XAB2: variants seen among roughly 807,000 people sequenced by gnomAD.
XAB2 encodes pre-mRNA-splicing factor SYF1.
Under a neutral mutation model 113.4 loss-of-function variants are expected in XAB2, and 57 were observed. That is an observed-to-expected ratio of 0.50 (90% CI 0.41 to 0.63). The LOEUF is 0.63. XAB2 is among the 20% of genes least tolerant of loss of function. XAB2 has a pLI of 0.00. For missense variants in XAB2, 1,037 were observed against 1,233.3 expected, an observed-to-expected ratio of 0.84 and a Z score of 2.38; for synonymous variants, 497 against 498.8, an observed-to-expected ratio of 1.00 and a Z score of 0.05.
chr19:7,624,455 C>T lies in XAB2; in HGVS notation c.823-10G>A. On this transcript the variant is annotated splice_polypyrimidine_tract_variant and intron_variant, in intron 6 of 18. Coordinates refer to ENST00000358368, the MANE Select transcript of XAB2 (RefSeq NM_020196.3). The surrounding 1 kb of genome is among the most constrained non-coding windows in gnomAD (Gnocchi z 4.2). The stretch of plus-strand genomic sequence containing the variant: ...CGTACACGTCCCGAGCCTGTGGGGA[C>T]CCAGGGAAGGGGAGGTGAGAGGAAA... The T allele has an allele frequency of 6.2e-7, 1 of 1,613,970 alleles. No individual in the cohort carries two copies. The highest frequency in any genetic ancestry group is 8.5e-7 in the Non-Finnish European group (1 of 1,179,984).
intron 12 of XAB2, 178 bp downstream of exon 12, chr19:7,622,153 C>G: frequency 1.6e-6 from 1 of 622,568 alleles, no homozygotes; most frequent in Non-Finnish European, 2.8e-6. Context: ...CCAGCCCTGC[C>G]CATGCCTCGA....
In XAB2 at chr19:7,619,663, G is replaced by A. The variant is rs768719502; in HGVS notation, c.2507-16C>T. Reference sequence around the variant, plus strand: ...AGCCGAACCTCTGTGGGGAAGGCGGGAGCCAGTCACCCTCCTGGCGTTGGC... The same window carrying A: ...AGCCGAACCTCTGTGGGGAAGGCGGAAGCCAGTCACCCTCCTGGCGTTGGC... On this transcript the variant is annotated splice_polypyrimidine_tract_variant and intron_variant, in intron 18 of 18. Coordinates refer to ENST00000358368, the MANE Select transcript of XAB2 (RefSeq NM_020196.3). The A allele has an allele frequency of 3.7e-6, 6 of 1,603,494 alleles. No individual in the cohort carries two copies. The highest frequency in any genetic ancestry group is 5.1e-6 in the Non-Finnish European group (6 of 1,173,904).
In XAB2 at chr19:7,623,890, CCG is replaced by C; in HGVS notation, c.968-10_968-9del. On this transcript the variant is annotated splice_polypyrimidine_tract_variant and intron_variant, in intron 7 of 18. Coordinates refer to ENST00000358368, the MANE Select transcript of XAB2 (RefSeq NM_020196.3). The surrounding 1 kb of genome is among the most constrained non-coding windows in gnomAD (Gnocchi z 4.6). ...GCTCCAGGTCCACATCATCTGGGAG[CCG>C]CGAACATGTTTGTCAGGGGCGGAGA... 6.4e-7 allele frequency: 1 copy of C among 1,557,514 alleles called. No individual in the cohort carries two copies. The highest frequency in any genetic ancestry group is 8.7e-7 in the Non-Finnish European group (1 of 1,155,342).
rs573269344 is a variant in XAB2 at position 7,624,162 on chromosome 19, C to T, written c.967+139G>A. On this transcript the variant is annotated intron_variant, in intron 7 of 18. Coordinates refer to ENST00000358368, the MANE Select transcript of XAB2 (RefSeq NM_020196.3). The surrounding 1 kb of genome is among the most constrained non-coding windows in gnomAD (Gnocchi z 4.2). ...CCTGGCTCCTTCAAGACCCCCACAC[C>T]CCCTGCATCCACTCAGCCTCCTTCC... The T allele has an allele frequency of 2.6e-4, 367 of 1,395,432 alleles. 8 individuals carry two copies. Among genetic ancestry groups the T allele is most frequent in the South Asian group, 2.5e-3 (193 of 77,262 alleles). The allele number at this position is 1,395,432 out of a possible 1,614,324, so 86.4% of individuals were successfully genotyped here.
rs200160970 is a variant in XAB2, at chr19:7,620,268, G to A, written c.2266+7C>T. ...GATCAGGAACTCAGCCAGCTGGGAC[G>A]GCTCACCGGTGCCCGTGGCACTGCC... On this transcript the variant is annotated splice_region_variant and intron_variant, in intron 16 of 18. Coordinates refer to ENST00000358368, the MANE Select transcript of XAB2 (RefSeq NM_020196.3). 1,616 of 1,612,858 alleles carry A rather than the reference G, an allele frequency of 1.0e-3. 4 individuals carry two copies. The highest frequency in any genetic ancestry group is 3.0e-3 in the South Asian group (277 of 91,060).
Position 7,620,911 on chromosome 19 carries a change from T to C in XAB2, c.1906A>G (p.Ile636Val), listed in dbSNP as rs1156809536. The change falls in exon 14 of 19, where the codon ATC becomes GTC. Residue 636 changes from isoleucine to valine, a missense_variant. Physicochemically the swap from Ile to Val is conservative, Grantham distance 29. Coordinates refer to ENST00000358368, the MANE Select transcript of XAB2 (RefSeq NM_020196.3). Reference sequence around the variant, plus strand: ...CCATAGATCTCGGCCGCCCGCTTGATGTAGATGTTGAACATGTCATACTGC... The same window carrying C: ...CCATAGATCTCGGCCGCCCGCTTGACGTAGATGTTGAACATGTCATACTGC... ...AQQYDMFNIY[I>V]KRAAEIYGVT... 3 of 1,603,914 alleles carry C rather than the reference T, an allele frequency of 1.9e-6. No individual in the cohort carries two copies. The highest frequency in any genetic ancestry group is 1.3e-5 in the African/African-American group (1 of 74,898).
rs1368394076 is a variant in XAB2 at position 7,622,567 on chromosome 19, A to G, written c.1466T>C (p.Met489Thr). The part of the protein sequence containing the change: ...RVYKSLKVWS[M>T]LADLEESLGT... ...GAGGCTCTCCTCCAGGTCGGCGAGC[A>G]TGGACCAGACCTTCAGTGACTTGTA... The change falls in exon 11 of 19, where the codon ATG becomes ACG. Residue 489 changes from methionine (M) to threonine (T), a missense_variant. Met to Thr is a moderately conservative substitution (Grantham distance 81). Transcript: ENST00000358368. 1 of 1,613,634 alleles carries G rather than the reference A, an allele frequency of 6.2e-7. No homozygotes were observed. The highest frequency in any genetic ancestry group is 8.5e-7 in the Non-Finnish European group (1 of 1,180,042).
chr19:7,622,234 T>C (rs938973186), intron 12 of XAB2, 97 bp downstream of exon 12: 5 of 1,149,482 alleles, frequency 4.3e-6, no homozygotes, highest in South Asian at 1.3e-5. Flanking sequence ...GTCTGTATAC[T>C]GTGTCACACA....
chr19:7,622,138 A>G, intron 12 of XAB2, 193 bp downstream of exon 12: 1 of 584,156 alleles, frequency 1.7e-6, no homozygotes, highest in South Asian at 2.0e-5. Flanking sequence ...AGGCCTCAGG[A>G]GGAACCAGCC....
At position 7,620,584 on chromosome 19, in the gene XAB2, G is replaced by A. The variant is rs1568452963; in HGVS notation, c.2057C>T (p.Ala686Val). Residue 686 changes from alanine (A) to valine (V), a missense_variant, in exon 15 of 19, where the codon GCC becomes GTC. By Grantham distance (64) the Ala-to-Val change is moderately conservative (BLOSUM62 0). Transcript: ENST00000358368. ...GATCTGGGAGCAGAAGCTGTAGATG[G>A]CCCGGGCGCGGTCAATCTCCCCGAG... is the stretch of plus-strand genomic sequence containing the variant. ...CKLGEIDRARAIYSFCSQICD... is the reference protein window; with the variant it reads ...CKLGEIDRARVIYSFCSQICD... The A allele has an allele frequency of 6.2e-7, 1 of 1,613,372 alleles. No individual in the cohort carries two copies. Among genetic ancestry groups the A allele is most frequent in the Admixed American group, 1.7e-5 (1 of 60,020 alleles).
chr19:7,622,350 T>C lies in XAB2; in HGVS notation c.1598A>G (p.Tyr533Cys), dbSNP rs1399845451. Residue 533 changes from tyrosine to cysteine, a missense_variant, in exon 12 of 19, where the codon TAC (tyrosine) becomes TGC (cysteine). Physicochemically the swap from Tyr to Cys is radical, Grantham distance 194. Coordinates refer to ENST00000358368, the MANE Select transcript of XAB2 (RefSeq NM_020196.3). ...NYAMFLEEHK[Y>C]FEESFKAYER... ...CCTCACCTTGAAGCTCTCCTCGAAG[T>C]ACTTGTGCTCCTCCAGGAACATGGC... The C allele has an allele frequency of 1.2e-6, 2 of 1,614,064 alleles. No individual in the cohort carries two copies. Among genetic ancestry groups the C allele is most frequent in the Non-Finnish European group, 1.7e-6 (2 of 1,180,046 alleles).
chr19:7,624,280 C>T lies in XAB2; in HGVS notation c.967+21G>A, dbSNP rs756740359. ...GTCCACTCAGCTCTCTCCCCACCAGCCGGGGCCCCCAGAGGCTCACCCTCC... is the reference window on the plus strand; with the variant it reads ...GTCCACTCAGCTCTCTCCCCACCAGTCGGGGCCCCCAGAGGCTCACCCTCC... On this transcript the variant is annotated intron_variant, in intron 7 of 18. Coordinates refer to ENST00000358368, the MANE Select transcript of XAB2 (RefSeq NM_020196.3). This position sits in a 1 kb window ranked among gnomAD's most constrained non-coding sequence, Gnocchi z 4.2. 2 of 1,611,484 alleles carry T rather than the reference C, an allele frequency of 1.2e-6. No individual in the cohort carries two copies. The highest frequency in any genetic ancestry group is 3.3e-5 in the Admixed American group (2 of 60,000).
At position 7,623,007 on chromosome 19, in the gene XAB2, C is replaced by CAA. The variant is rs2031067690; in HGVS notation, c.1240-115_1240-114insTT. 1.3e-6 allele frequency: 2 copies of CAA among 1,536,398 alleles called. No individual in the cohort carries two copies. Among genetic ancestry groups the CAA allele is most frequent in the Non-Finnish European group, 1.8e-6 (2 of 1,141,392 alleles). On this transcript the variant is annotated intron_variant, in intron 9 of 18. Coordinates refer to ENST00000358368, the MANE Select transcript of XAB2 (RefSeq NM_020196.3). This position sits in a 1 kb window ranked among gnomAD's most constrained non-coding sequence, Gnocchi z 4.6. ...ACATACAGGCACAAACACACAGGCACACACACAGGCACACACATGCGTGCA... is the reference window on the plus strand; with the variant it reads ...ACATACAGGCACAAACACACAGGCACAAACACACAGGCACACACATGCGTGCA...
At chr19:7,621,095 G>GGGCCCCCCCCCCCCCCCC in intron 13 of XAB2, 40 bp downstream of exon 13, 23 of 1,485,796 alleles carry the variant, frequency 1.5e-5, no homozygotes, top group Non-Finnish European at 1.6e-5. Context: ...CAGAAACCCA[G>GGGCCCCCCCCCCCCCCCC]CCCGCCCGCC....
rs2031051773 is a variant in XAB2 at position 7,622,376 on chromosome 19, A to G, written c.1572T>C (p.Tyr524=). The change falls in exon 12 of 19, where the codon TAT becomes TAC. Residue 524 remains tyrosine (Y), a synonymous_variant. Coordinates refer to ENST00000358368, the MANE Select transcript of XAB2 (RefSeq NM_020196.3). ...ACTTGTGCTCCTCCAGGAACATGGC[A>G]TAGTTGATGACGATCTGGGGTGTTG... The part of the protein sequence containing the change: ...RIATPQIVIN[Y]AMFLEEHKYF... The G allele has an allele frequency of 6.2e-7, 1 of 1,614,070 alleles. No individual in the cohort carries two copies. The highest frequency in any genetic ancestry group is 1.3e-5 in the African/African-American group (1 of 74,910).
At chr19:7,629,229 G>A (rs546525131) in intron 1 of XAB2, among the ~76,000 whole-genome samples, 2 of 152,324 alleles carry the variant, frequency 1.3e-5, no homozygotes, top group African/African-American at 4.8e-5. Flanking sequence ...TTCCGCCCCT[G>A]GTTCGGGAGG....
Position 7,622,453 on chromosome 19 carries a change from GT to G in XAB2, c.1504-10del. 1 of 1,614,214 alleles carries G rather than the reference GT, an allele frequency of 6.2e-7. No individual in the cohort carries two copies. The highest frequency in any genetic ancestry group is 8.5e-7 in the Non-Finnish European group (1 of 1,180,052). ...TACACGGCCTTGGTGGACTGCAGGGGTGGGGATGGGAAAGGTTGGAGCTGGT... is the reference window on the plus strand; with the variant it reads ...TACACGGCCTTGGTGGACTGCAGGGGGGGGATGGGAAAGGTTGGAGCTGGT... On this transcript the variant is annotated splice_polypyrimidine_tract_variant and intron_variant, in intron 11 of 18. Coordinates refer to ENST00000358368, the MANE Select transcript of XAB2 (RefSeq NM_020196.3).
chr19:7,628,381 C>G lies in XAB2; in HGVS notation c.52-83G>C. ...ACCATCCCACTGCTGGGGCTCAGGT[C>G]CAAACTCCGGACTTTTACCTAGATC... On this transcript the variant is annotated intron_variant, in intron 1 of 18. Transcript: ENST00000358368. This position sits in a 1 kb window ranked among gnomAD's most constrained non-coding sequence, Gnocchi z 4.6. 2 of 1,567,022 alleles carry G rather than the reference C, an allele frequency of 1.3e-6. No individual in the cohort carries two copies. Among genetic ancestry groups the G allele is most frequent in the Non-Finnish European group, 1.7e-6 (2 of 1,150,046 alleles).
intron 15 of XAB2, 35 bp downstream of exon 15, chr19:7,620,512 C>G: frequency 1.2e-6 from 2 of 1,612,690 alleles, no homozygotes; most frequent in Non-Finnish European, 1.7e-6. Context: ...GCCGCAGCCC[C>G]CAACCCTGAT....
Sources: gnomAD v4.1 joint callset for allele counts (sites outside exome capture counted in the v4.1 genomes callset) on GRCh38, gnomAD v4.1.1 for gene constraint, Gnocchi (gnomAD v3.1) non-coding constraint, MANE v1.5 for transcripts, NCBI Gene and HGNC (gene_info 2026-07-23, HGNC 2026-07-21) for gene names.